The following C1QTNF1 variants were observed in gnomAD, a reference collection of about 807,000 sequenced individuals.
C1QTNF1 encodes complement C1q tumor necrosis factor-related protein 1.
Under a neutral mutation model 27.8 loss-of-function variants are expected in C1QTNF1, and 22 were observed. That is an observed-to-expected ratio of 0.79 (90% CI 0.56 to 1.13). The LOEUF (loss-of-function observed/expected upper bound fraction) is 1.13, where lower values mean the gene tolerates loss of function less well. Among genes scored for constraint, C1QTNF1 ranks in the 50% most tolerant of loss-of-function variants. C1QTNF1 has a pLI of 0.00. For synonymous variants in C1QTNF1, 166 were observed against 154.3 expected, an observed-to-expected ratio of 1.08 and a Z score of -0.56; for missense variants, 373 against 380.2, an observed-to-expected ratio of 0.98 and a Z score of 0.16.
intron 1 of C1QTNF1, among the ~76,000 whole-genome samples, chr17:79,041,041 A>G (rs73413141): frequency 0.022 from 3,377 of 152,318 alleles, 105 homozygotes; most frequent in East Asian, 0.14. Flanking sequence ...TAATGAGGAA[A>G]TGTTCTCAAA....
At chr17:79,039,716 A>C (rs930943850) in intron 1 of C1QTNF1, among the ~76,000 whole-genome samples, 1 of 152,078 alleles carries the variant, frequency 6.6e-6, no homozygotes, top group South Asian at 2.1e-4. Context: ...GAAACCACAG[A>C]GTAGAATAAT....
intron 1 of C1QTNF1, among the ~76,000 whole-genome samples, chr17:79,032,387 C>G (rs1012103044): frequency 6.6e-6 from 1 of 152,134 alleles, no homozygotes; most frequent in Non-Finnish European, 1.5e-5. Flanking sequence ...AAGGGACTCA[C>G]GCGGGGTGGG....
At chr17:79,042,097 C>T (rs745395161) in intron 1 of C1QTNF1, among the ~76,000 whole-genome samples, 2 of 152,188 alleles carry the variant, frequency 1.3e-5, no homozygotes, top group East Asian at 3.9e-4. Flanking sequence ...TCTCACTGGG[C>T]GGCTGTGTGT....
At chr17:79,045,468 G>A (rs1333441448) in intron 2 of C1QTNF1, among the ~76,000 whole-genome samples, 32 of 152,218 alleles carry the variant, frequency 2.1e-4, no homozygotes, top group Admixed American at 2.1e-3. Context: ...ATGAGCTGGT[G>A]CGGGGAGGGG....
At chr17:79,029,480 C>T (rs1002621802) in intron 1 of C1QTNF1, among the ~76,000 whole-genome samples, 1 of 152,178 alleles carries the variant, frequency 6.6e-6, no homozygotes, top group Non-Finnish European at 1.5e-5. Context: ...AAGGATCAAG[C>T]TCAGTGGTGT....
chr17:79,024,081 A>T, upstream of C1QTNF1: 1 of 152,364 alleles, frequency 6.6e-6, no homozygotes, highest in South Asian at 2.1e-4. Flanking sequence ...GATTTCCCTG[A>T]GGCGCGGCGC....
At chr17:79,040,857 T>C (rs1338415136) in intron 1 of C1QTNF1, among the ~76,000 whole-genome samples, 1 of 151,796 alleles carries the variant, frequency 6.6e-6, no homozygotes, top group Non-Finnish European at 1.5e-5. Context: ...TGAGCCGAGA[T>C]TGCACCACTG....
At chr17:79,040,222 G>A (rs1178019425) in intron 1 of C1QTNF1, among the ~76,000 whole-genome samples, 1 of 152,218 alleles carries the variant, frequency 6.6e-6, no homozygotes, top group African/African-American at 2.4e-5. Flanking sequence ...TACTTTGGGA[G>A]GCCAAGGCAG....
At position 79,035,711 on chromosome 17, in the gene C1QTNF1, G is replaced by A. The variant is rs548045603; in HGVS notation, c.-14-8244G>A. Among the ~76,000 whole-genome samples, 10 of 152,288 alleles carry A rather than the reference G, an allele frequency of 6.6e-5. No individual in the cohort carries two copies. The South Asian group carries it at 1.7e-3, about 25-fold the overall frequency. ...CTCCCAAAGTGCTGGGATTATAGGC[G>A]TGAGCCACCATACCTGGCCTGAATC... is the stretch of plus-strand genomic sequence containing the variant. On this transcript the variant is annotated intron_variant, in intron 1 of 3. Coordinates refer to ENST00000579760, the MANE Select transcript of C1QTNF1 (RefSeq NM_030968.5).
chr17:79,042,689 G>A (rs931580237), intron 1 of C1QTNF1, among the ~76,000 whole-genome samples: 4 of 152,212 alleles, frequency 2.6e-5, no homozygotes, highest in Non-Finnish European at 4.4e-5. Flanking sequence ...GTCCTAAGAG[G>A]GGTGGTATAC....
chr17:79,040,701 C>T (rs1198291721), intron 1 of C1QTNF1, among the ~76,000 whole-genome samples: 1 of 134,744 alleles, frequency 7.4e-6, no homozygotes, highest in Non-Finnish European at 1.5e-5. Context: ...TGAGACCAGC[C>T]TGGGCAACAT....
intron 1 of C1QTNF1, among the ~76,000 whole-genome samples, chr17:79,030,119 C>G (rs1388089199): frequency 1.3e-5 from 2 of 152,116 alleles, no homozygotes; most frequent in Non-Finnish European, 2.9e-5. Flanking sequence ...AAACAAAATG[C>G]TCCCTTAGTC....
At chr17:79,043,240 T>C in intron 1 of C1QTNF1, 1 of 445,892 alleles carries the variant, frequency 2.2e-6, no homozygotes, top group South Asian at 1.6e-5. Flanking sequence ...GTGCATGTGA[T>C]ATGGGTATAT....
At chr17:79,043,081 T>C (rs2072458523) in intron 1 of C1QTNF1, among the ~76,000 whole-genome samples, 1 of 148,810 alleles carries the variant, frequency 6.7e-6, no homozygotes, top group African/African-American at 2.5e-5. Flanking sequence ...GTGGGTTGCA[T>C]GTGTGTATGT....
intron 1 of C1QTNF1, among the ~76,000 whole-genome samples, chr17:79,039,608 G>T (rs1160914574): frequency 6.6e-6 from 1 of 151,972 alleles, no homozygotes; most frequent in Admixed American, 6.6e-5. Context: ...AGCCAAGATC[G>T]CGCCACTTCA....
Position 79,047,947 on chromosome 17 carries a change from C to G in C1QTNF1, c.705C>G (p.Ser235Arg). Residue 235 changes from serine to arginine, a missense_variant, in exon 4 of 4, where the codon AGC (serine) becomes AGG (arginine). Physicochemically the swap from Ser to Arg is moderately radical, Grantham distance 110. Coordinates refer to ENST00000579760, the MANE Select transcript of C1QTNF1 (RefSeq NM_030968.5). ...VGDRSIMQSQ[S>R]LMLELREQDQ... ...ACCGCAGCATCATGCAAAGCCAGAG[C>G]CTGATGCTGGAGCTGCGAGAGCAGG... 6.2e-7 allele frequency: 1 copy of G among 1,613,990 alleles called. No individual in the cohort carries two copies. Among genetic ancestry groups the G allele is most frequent in the African/African-American group, 1.3e-5 (1 of 75,056 alleles).
intron 1 of C1QTNF1, among the ~76,000 whole-genome samples, chr17:79,039,797 GTA>G (rs397856558): frequency 0.015 from 2,262 of 149,088 alleles, 64 homozygotes; most frequent in African/African-American, 0.05. Context: ...GTGTGTGTGT[GTA>G]TATATATATA....
chr17:79,044,769 C>A (rs2072523089), intron 2 of C1QTNF1, among the ~76,000 whole-genome samples: 1 of 152,202 alleles, frequency 6.6e-6, no homozygotes, highest in Non-Finnish European at 1.5e-5. Context: ...GTCCTGGAGA[C>A]CCGGCGACAG....
In C1QTNF1 at chr17:79,046,658, ACCGCCGTGC is replaced by A; in HGVS notation, c.262_270del (p.Ala88_Pro90del). The A allele has an allele frequency of 2.5e-6, 4 of 1,614,194 alleles. No individual in the cohort carries two copies. Among genetic ancestry groups the A allele is most frequent in the Non-Finnish European group, 2.5e-6 (3 of 1,180,030 alleles). Reference sequence around the variant, plus strand: ...CCCCGGTACCTCCATGTACCCGGCGACCGCCGTGCCCCAGATCAACATCACTATCTTGAA... The same window carrying A: ...CCCCGGTACCTCCATGTACCCGGCGACCCAGATCAACATCACTATCTTGAA... On this transcript the variant is annotated inframe_deletion, in exon 3 of 4. Transcript: ENST00000579760. This position sits in a 1 kb window ranked among gnomAD's most constrained non-coding sequence, Gnocchi z 4.8.
Sources: allele counts gnomAD v4.1 joint callset (sites outside exome capture counted in the v4.1 genomes callset), GRCh38; gene constraint gnomAD v4.1.1; non-coding constraint Gnocchi (gnomAD v3.1); transcripts MANE v1.5; gene names NCBI Gene and HGNC (gene_info 2026-07-23, HGNC 2026-07-21).